SGSM2: variants seen among roughly 807,000 people sequenced by gnomAD.
The protein encoded by SGSM2 is small G protein signaling modulator 2.
SGSM2 carries 89 observed loss-of-function variants against 126.6 expected under a neutral mutation model. The observed-to-expected ratio is 0.70, with a 90% CI of 0.59 to 0.84. The LOEUF (loss-of-function observed/expected upper bound fraction) is 0.84, where lower values mean the gene tolerates loss of function less well. Ranked by LOEUF, SGSM2 falls within the 40% of genes least tolerant of loss-of-function variation. The pLI, the probability that SGSM2 is intolerant of heterozygous loss-of-function variation, is 0.00. For missense variants in SGSM2, 1,404 were observed against 1,416.6 expected (o/e 0.99, Z 0.14); for synonymous variants, 614 against 574.3 (o/e 1.07, Z -0.99).
chr17:2,367,119 A>C lies in SGSM2; in HGVS notation c.1289-152A>C. 1 of 882,870 alleles carries C rather than the reference A, an allele frequency of 1.1e-6. No individual in the cohort carries two copies. Among genetic ancestry groups the C allele is most frequent in the Non-Finnish European group, 1.7e-6 (1 of 599,906 alleles). 54.7% of individuals were successfully genotyped at this position (882,870 alleles called of 1,614,324 possible). ...CCACACTCTCCCAGGAAAATCATCCAAAGAGCTTTCTGGTCCCCTCCCTTC... is the reference window on the plus strand; with the variant it reads ...CCACACTCTCCCAGGAAAATCATCCCAAGAGCTTTCTGGTCCCCTCCCTTC... On this transcript the variant is annotated intron_variant, in intron 11 of 23. Transcript: ENST00000268989. This position sits in a 1 kb window ranked among gnomAD's most constrained non-coding sequence, Gnocchi z 4.0.
chr17:2,377,127 C>T lies in SGSM2; in HGVS notation c.2802+59C>T, dbSNP rs1193676069. On this transcript the variant is annotated intron_variant, in intron 21 of 23. Transcript: ENST00000268989. Reference sequence around the variant, plus strand: ...AGGCAGTGCTGGGCTGGTCCATCGTCCACATGGCTAGGGAGCATTCCACAA... The same window carrying T: ...AGGCAGTGCTGGGCTGGTCCATCGTTCACATGGCTAGGGAGCATTCCACAA... 6.8e-6 allele frequency: 7 copies of T among 1,036,294 alleles called. No homozygotes were observed. The East Asian group carries it at 1.7e-4, about 25-fold the overall frequency. The allele number at this position is 1,036,294 out of a possible 1,614,324, so 64.2% of individuals were successfully genotyped here.
At chr17:2,375,460 G>A (rs1395909118) in intron 17 of SGSM2, 32 bp from the exon 18 acceptor site, 3 of 1,573,948 alleles carry the variant, frequency 1.9e-6, no homozygotes, top group African/African-American at 2.7e-5. Context: ...GTGCTGGAGT[G>A]CAGGTGGAGC....
At position 2,362,931 on chromosome 17, in the gene SGSM2, G is replaced by C. The variant is rs2065383129; in HGVS notation, c.526+26G>C. 1.2e-6 allele frequency: 2 copies of C among 1,614,136 alleles called. No homozygotes were observed. Among genetic ancestry groups the C allele is most frequent in the African/African-American group, 2.7e-5 (2 of 75,066 alleles). ...GTGAGCCTGAGAGCACAGGCACAGT[G>C]GGTACGGGGCAGGTGCTGAGGGAGC... On this transcript the variant is annotated intron_variant, in intron 5 of 23. Coordinates refer to ENST00000268989, the MANE Select transcript of SGSM2 (RefSeq NM_014853.3). The surrounding 1 kb of genome is among the most constrained non-coding windows in gnomAD (Gnocchi z 4.9).
At chr17:2,357,140 G>A (rs1172958272) in intron 2 of SGSM2, among the ~76,000 whole-genome samples, 3 of 152,098 alleles carry the variant, frequency 2.0e-5, no homozygotes, top group African/African-American at 7.2e-5. Context: ...GGAGCCCCAG[G>A]GCTAGTCTGG....
rs542370956 is a variant in SGSM2 at position 2,379,787 on chromosome 17, A to G, written c.*267A>G. The G allele has an allele frequency of 3.0e-6, 4 of 1,351,760 alleles. No individual in the cohort carries two copies. Among genetic ancestry groups the G allele is most frequent in the African/African-American group, 1.5e-5 (1 of 68,632 alleles). 83.7% of individuals were successfully genotyped at this position (1,351,760 alleles called of 1,614,324 possible). The stretch of plus-strand genomic sequence containing the variant: ...GACACACCTACTCTGCTCCCCTCTC[A>G]CACATCTGGGAGTAGCCCCACTGCC... On this transcript the variant is annotated 3_prime_UTR_variant, in exon 24 of 24. Transcript: ENST00000268989.
chr17:2,338,017 G>A (rs3815469), intron 1 of SGSM2, among the ~76,000 whole-genome samples: 30,218 of 152,040 alleles, frequency 0.2, 3,550 homozygotes, highest in Admixed American at 0.31. Flanking sequence ...GGGAGCCCAA[G>A]GCCGGGGGAG....
At chr17:2,346,152 A>T (rs375448152) in intron 2 of SGSM2, among the ~76,000 whole-genome samples, 1 of 152,308 alleles carries the variant, frequency 6.6e-6, no homozygotes, top group East Asian at 1.9e-4. Flanking sequence ...CCACGTCCGA[A>T]TTCAGCTTTG....
chr17:2,369,390 C>T lies in SGSM2; in HGVS notation c.1424-1872C>T, dbSNP rs138672054. 1.2e-3 allele frequency among the ~76,000 whole-genome samples: 187 copies of T among 152,300 alleles called. 1 individual carries two copies. The highest frequency in any genetic ancestry group is 4.4e-3 in the African/African-American group (184 of 41,550). Reference sequence around the variant, plus strand: ...AGGCCAGGCACCTTTCACTCGGAGTCTTAGGGGCTGTGGGGTTCGCCCACC... The same window carrying T: ...AGGCCAGGCACCTTTCACTCGGAGTTTTAGGGGCTGTGGGGTTCGCCCACC... On this transcript the variant is annotated intron_variant, in intron 12 of 23. Transcript: ENST00000268989.
Position 2,367,847 on chromosome 17 carries a change from G to T in SGSM2, c.1423+442G>T, listed in dbSNP as rs922185797. Among the ~76,000 whole-genome samples, 1 of 152,196 alleles carries T rather than the reference G, an allele frequency of 6.6e-6. No individual in the cohort carries two copies. Among genetic ancestry groups the T allele is most frequent in the Admixed American group, 6.5e-5 (1 of 15,286 alleles). On this transcript the variant is annotated intron_variant, in intron 12 of 23. Transcript: ENST00000268989. The surrounding 1 kb of genome is among the most constrained non-coding windows in gnomAD (Gnocchi z 4.0). ...GGATGGAGGTACCGGGTCCTTCCTG[G>T]GGCAGGGGCAGCAGCTGTGGGTCAG...
chr17:2,377,755 TG>T (rs2066244312), intron 21 of SGSM2, 101 bp from the exon 22 acceptor site: 1 of 740,658 alleles, frequency 1.4e-6, no homozygotes, highest in African/African-American at 1.7e-5. Context: ...ACTGCCAGGT[TG>T]GGGATCGCCT....
In SGSM2 at chr17:2,375,483, A is replaced by AC. The variant is rs775318830; in HGVS notation, c.2101-3dup. ...GTGCAGGTGGAGCCGCCCTGTGTTC[A>AC]CCCCCCAGGTGTTTATCTCAGTGGA... On this transcript the variant is annotated splice_polypyrimidine_tract_variant and intron_variant, in intron 17 of 23. Transcript: ENST00000268989. 4 of 1,593,836 alleles carry AC rather than the reference A, an allele frequency of 2.5e-6. No homozygotes were observed. The highest frequency in any genetic ancestry group is 2.2e-5 in the South Asian group (2 of 89,404).
intron 2 of SGSM2, among the ~76,000 whole-genome samples, chr17:2,349,303 G>A (rs1270760888): frequency 1.3e-5 from 2 of 152,038 alleles, no homozygotes. Context: ...TTGAACCTGA[G>A]AGATGGAGGT....
chr17:2,379,534 G>A lies in SGSM2; in HGVS notation c.*14G>A. Reference sequence around the variant, plus strand: ...GAGAACAAGTGAGCTGGGGCCAGGAGGCAGCAGCCGTGCAGAGCCTGGGCT... The same window carrying A: ...GAGAACAAGTGAGCTGGGGCCAGGAAGCAGCAGCCGTGCAGAGCCTGGGCT... On this transcript the variant is annotated 3_prime_UTR_variant, in exon 24 of 24. Transcript: ENST00000268989. The A allele has an allele frequency of 6.2e-7, 1 of 1,608,126 alleles. No individual in the cohort carries two copies. Among genetic ancestry groups the A allele is most frequent in the Non-Finnish European group, 8.5e-7 (1 of 1,175,918 alleles).
In SGSM2 at chr17:2,379,483, T is replaced by C; in HGVS notation, c.3119T>C (p.Leu1040Pro). ...AQEILRIARD[L>P]VHKVQMLIEN... ...GAGATCCTGCGGATTGCCCGGGACC[T>C]CGTCCACAAGGTGCAGATGCTCATA... Residue 1040 changes from leucine (L) to proline (P), a missense_variant, in exon 24 of 24, where the codon CTC (leucine) becomes CCC (proline). Transcript: ENST00000268989. The C allele has an allele frequency of 6.2e-7, 1 of 1,613,620 alleles. No homozygotes were observed. The highest frequency in any genetic ancestry group is 8.5e-7 in the Non-Finnish European group (1 of 1,179,780).
At chr17:2,339,232 C>T (rs2064235413) in intron 1 of SGSM2, among the ~76,000 whole-genome samples, 1 of 151,648 alleles carries the variant, frequency 6.6e-6, no homozygotes. Flanking sequence ...TCCAGACCAG[C>T]CTGGCCAAGA....
chr17:2,343,696 G>C, intron 2 of SGSM2, 76 bp downstream of exon 2: 1 of 1,283,526 alleles, frequency 7.8e-7, no homozygotes, highest in Middle Eastern at 2.6e-4. Flanking sequence ...GAAAAGATGA[G>C]TCCTCAGGTG....
At chr17:2,378,890 G>T (rs2066294687) in intron 22 of SGSM2, 146 bp from the exon 23 acceptor site, 2 of 942,142 alleles carry the variant, frequency 2.1e-6, no homozygotes, top group South Asian at 3.3e-5. Context: ...AGGCCTGTGA[G>T]CAGCCAGTCC....
chr17:2,362,433 C>T lies in SGSM2; in HGVS notation c.458+163C>T, dbSNP rs1310340566. On this transcript the variant is annotated intron_variant, in intron 4 of 23. Transcript: ENST00000268989. This position sits in a 1 kb window ranked among gnomAD's most constrained non-coding sequence, Gnocchi z 4.9. The stretch of plus-strand genomic sequence containing the variant: ...AAAACTGCAGGTGACCGCCCCGTTC[C>T]CAAAAACTGCAGGTGACCGCCCCGT... Among the ~76,000 whole-genome samples, 1 of 149,858 alleles carries T rather than the reference C, an allele frequency of 6.7e-6. No homozygotes were observed. The highest frequency in any genetic ancestry group is 6.6e-5 in the Admixed American group (1 of 15,072).
Position 2,337,643 on chromosome 17 carries a change from G to A in SGSM2, c.-46G>A, listed in dbSNP as rs767716909. 1.6e-4 allele frequency: 222 copies of A among 1,358,816 alleles called. No individual in the cohort carries two copies. The highest frequency in any genetic ancestry group is 2.1e-4 in the Non-Finnish European group (216 of 1,034,124). 84.2% of individuals were successfully genotyped at this position (1,358,816 alleles called of 1,614,324 possible). A position where few individuals can be genotyped will look rare whatever the true frequency, so the allele number is the denominator to read the frequency against. ...AGCCGAGAGGCGCGGAGGCGGCGAG[G>A]GCGCGGGGGCTCTGAGGACCGCTCG... On this transcript the variant is annotated 5_prime_UTR_variant, in exon 1 of 24. Transcript: ENST00000268989. The surrounding 1 kb of genome is among the most constrained non-coding windows in gnomAD (Gnocchi z 5.1).
Sources: allele counts gnomAD v4.1 joint callset (sites outside exome capture counted in the v4.1 genomes callset), GRCh38; gene constraint gnomAD v4.1.1; non-coding constraint Gnocchi (gnomAD v3.1); transcripts MANE v1.5; gene names NCBI Gene and HGNC (gene_info 2026-07-23, HGNC 2026-07-21).